MCC: variants seen among roughly 807,000 people sequenced by gnomAD.
The protein encoded by MCC is colorectal mutant cancer protein.
MCC carries 90 observed loss-of-function variants against 116.2 expected under a neutral mutation model. The observed-to-expected ratio is 0.77, with a 90% confidence interval of 0.65 to 0.92. The LOEUF (loss-of-function observed/expected upper bound fraction) is 0.92, where lower values mean the gene tolerates loss of function less well. Among genes scored for constraint, MCC ranks in the 40% least tolerant of loss-of-function variants. The pLI is 0.00. For missense variants in MCC, 1,516 were observed against 1,312.2 expected (o/e 1.16, Z -2.40); for synonymous variants, 578 against 510.5 (o/e 1.13, Z -1.78).
chr5:113,104,793 T>C (rs1316012036), intron 6 of MCC, among the ~76,000 whole-genome samples: 1 of 152,188 alleles, frequency 6.6e-6, no homozygotes, highest in Non-Finnish European at 1.5e-5. Context: ...ACAGAAACTG[T>C]GTAAGAGATA....
At chr5:113,125,364 T>C (rs1299585510) in intron 5 of MCC, among the ~76,000 whole-genome samples, 3 of 152,084 alleles carry the variant, frequency 2.0e-5, no homozygotes, top group Non-Finnish European at 2.9e-5. Context: ...ACAAAGTAAA[T>C]AGTCATCAGA....
At chr5:113,214,720 A>C (rs1347320145) in intron 3 of MCC, among the ~76,000 whole-genome samples, 1 of 152,096 alleles carries the variant, frequency 6.6e-6, no homozygotes, top group African/African-American at 2.4e-5. Context: ...TACCACTTCT[A>C]ATCTCAACAC....
chr5:113,236,877 A>T (rs2416309), intron 3 of MCC, among the ~76,000 whole-genome samples: 50,013 of 152,018 alleles, frequency 0.33, 15,004 homozygotes, highest in African/African-American at 0.79. Flanking sequence ...GGACCAGGAG[A>T]GCATTCCCAC....
At chr5:113,229,661 G>A (rs1238421453) in intron 3 of MCC, among the ~76,000 whole-genome samples, 2 of 152,166 alleles carry the variant, frequency 1.3e-5, no homozygotes, top group African/African-American at 4.8e-5. Flanking sequence ...TCAAAGACAG[G>A]CCACATATAC....
At chr5:113,476,370 G>A (rs2150433933) in intron 1 of MCC, among the ~76,000 whole-genome samples, 1 of 152,288 alleles carries the variant, frequency 6.6e-6, no homozygotes, top group South Asian at 2.1e-4. Flanking sequence ...GAAAGGACTT[G>A]AGAGTTCAGA....
intron 6 of MCC, among the ~76,000 whole-genome samples, chr5:113,105,296 C>T (rs1756666254): frequency 6.6e-6 from 1 of 152,206 alleles, no homozygotes; most frequent in Non-Finnish European, 1.5e-5. Flanking sequence ...GCATGCTTCT[C>T]ACCACAGGTT....
intron 1 of MCC, among the ~76,000 whole-genome samples, chr5:113,482,537 A>T (rs1043802687): frequency 1.3e-5 from 2 of 152,088 alleles, no homozygotes; most frequent in African/African-American, 4.8e-5. Flanking sequence ...TCGTGTGCAT[A>T]TTGGCTATGT....
In MCC at chr5:113,430,525, A is replaced by G. The variant is rs548286212; in HGVS notation, c.171-45313T>C. Among the ~76,000 whole-genome samples the G allele has an allele frequency of 3.3e-4, 50 of 152,354 alleles. No homozygotes were observed. In the South Asian group the frequency reaches 8.5e-3, roughly 26 times the overall value. ...GTTGAGAAGATGACATTGGCAGTGT[A>G]TGAAAGACAGGCTGGAAGCTAGACA... On this transcript the variant is annotated intron_variant, in intron 1 of 18. Transcript: ENST00000408903.
At chr5:113,169,769 C>T (rs1173264981) in intron 3 of MCC, among the ~76,000 whole-genome samples, 1 of 152,134 alleles carries the variant, frequency 6.6e-6, no homozygotes, top group Non-Finnish European at 1.5e-5. Flanking sequence ...TGCAATCAGG[C>T]ACTCTGTGTG....
intron 3 of MCC, among the ~76,000 whole-genome samples, chr5:113,203,479 G>C (rs563102753): frequency 1.3e-5 from 2 of 150,916 alleles, no homozygotes; most frequent in Admixed American, 6.6e-5. Flanking sequence ...CTTTCAGCAC[G>C]GCCCAGACCA....
At chr5:113,189,992 G>C (rs2150313201) in intron 3 of MCC, among the ~76,000 whole-genome samples, 1 of 152,198 alleles carries the variant, frequency 6.6e-6, no homozygotes, top group African/African-American at 2.4e-5. Context: ...GACCACTCAG[G>C]GGCCTGTGTC....
chr5:113,095,354 T>G (rs1755939482), intron 8 of MCC, among the ~76,000 whole-genome samples: 1 of 152,174 alleles, frequency 6.6e-6, no homozygotes, highest in Non-Finnish European at 1.5e-5. Flanking sequence ...GGCAAGATTG[T>G]TAAAGCTTTT....
intron 6 of MCC, among the ~76,000 whole-genome samples, chr5:113,110,978 G>T (rs1042508269): frequency 1.0e-3 from 157 of 152,236 alleles, no homozygotes; most frequent in African/African-American, 3.6e-3. Flanking sequence ...AACCCACAGT[G>T]CTCCTCTGCT....
chr5:113,483,969 C>A (rs1256684904), intron 1 of MCC, among the ~76,000 whole-genome samples: 1 of 152,152 alleles, frequency 6.6e-6, no homozygotes, highest in Non-Finnish European at 1.5e-5. Context: ...CACATGGTCT[C>A]ACATATAAGC....
intron 1 of MCC, among the ~76,000 whole-genome samples, chr5:113,415,952 T>G (rs1328786677): frequency 2.0e-5 from 3 of 152,170 alleles, no homozygotes; most frequent in Non-Finnish European, 4.4e-5. Flanking sequence ...AGATGGGGTT[T>G]TGGTGAGGCT....
intron 1 of MCC, among the ~76,000 whole-genome samples, chr5:113,444,235 T>C (rs1771140035): frequency 6.6e-6 from 1 of 152,130 alleles, no homozygotes; most frequent in African/African-American, 2.4e-5. Flanking sequence ...CCGGTCATAG[T>C]TTGCCCATTC....
chr5:113,478,679 A>C (rs1772296408), intron 1 of MCC, among the ~76,000 whole-genome samples: 1 of 152,218 alleles, frequency 6.6e-6, no homozygotes, highest in South Asian at 2.1e-4. Flanking sequence ...AGATATGGAA[A>C]GAGTAAAGAT....
chr5:113,436,646 T>A (rs1770872812), intron 1 of MCC: 1 of 152,242 alleles, frequency 6.6e-6, no homozygotes, highest in African/African-American at 2.4e-5. Flanking sequence ...CTACATTCTG[T>A]GAAGAATCCC....
intron 1 of MCC, among the ~76,000 whole-genome samples, chr5:113,476,434 T>C (rs1167444609): frequency 6.6e-6 from 1 of 152,076 alleles, no homozygotes; most frequent in Non-Finnish European, 1.5e-5. Flanking sequence ...GTCAAGAAAA[T>C]GGGAAAACAG....
Sources: allele counts gnomAD v4.1 joint callset (sites outside exome capture counted in the v4.1 genomes callset), GRCh38; gene constraint gnomAD v4.1.1; transcripts MANE v1.5; gene names NCBI Gene and HGNC (gene_info 2026-07-23, HGNC 2026-07-21).